The following VAMP4 variants were observed in gnomAD, a reference collection of about 807,000 sequenced individuals.
VAMP4 encodes vesicle-associated membrane protein 4.
A neutral mutation model predicts 23.5 loss-of-function variants in VAMP4; 19 were observed. That is an observed-to-expected ratio of 0.81 (90% CI 0.56 to 1.19). VAMP4 has a LOEUF of 1.19. VAMP4 is among the 50% of genes most tolerant of loss of function. VAMP4 has a pLI of 0.00. For missense variants in VAMP4, 145 were observed against 168.6 expected, an observed-to-expected ratio of 0.86 and a Z score of 0.78; for synonymous variants, 31 against 51.0, an observed-to-expected ratio of 0.61 and a Z score of 1.67.
At chr1:171,725,659 T>C (rs1400241440) in intron 3 of VAMP4, among the ~76,000 whole-genome samples, 1 of 152,160 alleles carries the variant, frequency 6.6e-6, no homozygotes, top group Non-Finnish European at 1.5e-5. Context: ...ATCTATCCTG[T>C]AAGCTCTTTC....
At chr1:171,739,995 G>T (rs1205550260) in intron 1 of VAMP4, among the ~76,000 whole-genome samples, 1 of 152,158 alleles carries the variant, frequency 6.6e-6, no homozygotes, top group African/African-American at 2.4e-5. Context: ...ATCAATTCAG[G>T]ATAGCTCAGA....
intron 6 of VAMP4, among the ~76,000 whole-genome samples, chr1:171,706,686 G>GA (rs749449179): frequency 9.9e-5 from 15 of 151,942 alleles, no homozygotes; most frequent in Non-Finnish European, 1.5e-4. Context: ...CATATACTTT[G>GA]AAAAAAAGTG....
At chr1:171,741,394 C>T (rs1655920431) in intron 1 of VAMP4, among the ~76,000 whole-genome samples, 1 of 151,992 alleles carries the variant, frequency 6.6e-6, no homozygotes, top group East Asian at 1.9e-4. Context: ...ATTTGCAAAA[C>T]CTGTCAAGTG....
rs553236038 is a variant in VAMP4 at position 171,701,690 on chromosome 1, C to T, written c.*2816G>A. The T allele has an allele frequency of 2.0e-5, 3 of 152,200 alleles. No homozygotes were observed. Among genetic ancestry groups the T allele is most frequent in the East Asian group, 1.9e-4 (1 of 5,186 alleles). The allele number at this position is 152,200 out of a possible 1,614,324, so 9.4% of individuals were successfully genotyped here. ...TTCTATATCTCATGTCTATTAATTA[C>T]CCTTCCTCCATCTTATATAATATTC... On this transcript the variant is annotated 3_prime_UTR_variant, in exon 8 of 8. Coordinates refer to ENST00000236192, the MANE Select transcript of VAMP4 (RefSeq NM_003762.5).
chr1:171,710,434 C>T (rs1300778443), intron 5 of VAMP4, among the ~76,000 whole-genome samples: 1 of 151,796 alleles, frequency 6.6e-6, no homozygotes, highest in African/African-American at 2.4e-5. Context: ...ATGAGAAACA[C>T]AAAGTTCATC....
rs566758152 is a variant in VAMP4 at position 171,719,330 on chromosome 1, C to T, written c.114-109G>A. ...ACAAACAATCAAGCTGAACTCTAAA[C>T]ATGGATCAGTTATTTATCATAAGGG... On this transcript the variant is annotated intron_variant, in intron 3 of 7. Transcript: ENST00000236192. The T allele has an allele frequency of 2.7e-5, 24 of 873,870 alleles. No individual in the cohort carries two copies. The Admixed American group carries it at 6.4e-4, about 23-fold the overall frequency. The allele number at this position is 873,870 out of a possible 1,614,324, so 54.1% of individuals were successfully genotyped here. A position where few individuals can be genotyped will look rare whatever the true frequency, so the allele number is the denominator to read the frequency against.
intron 4 of VAMP4, among the ~76,000 whole-genome samples, chr1:171,716,382 C>G (rs537573470): frequency 6.6e-6 from 1 of 152,304 alleles, no homozygotes; most frequent in Admixed American, 6.5e-5. Flanking sequence ...ATGCTGACTC[C>G]ATTCCTTTGG....
intron 2 of VAMP4, among the ~76,000 whole-genome samples, chr1:171,732,360 GAA>G (rs532876540): frequency 0.29 from 36,099 of 123,266 alleles, 4,879 homozygotes; most frequent in East Asian, 0.4. Context: ...GTCTCTATGG[GAA>G]AAAAAAAAAA....
At chr1:171,722,715 C>A (rs951819992) in intron 3 of VAMP4, among the ~76,000 whole-genome samples, 11 of 152,192 alleles carry the variant, frequency 7.2e-5, no homozygotes, top group Non-Finnish European at 1.2e-4. Flanking sequence ...GATACCATCT[C>A]ACACCAGTTA....
At chr1:171,740,877 A>G (rs1655901823) in intron 1 of VAMP4, among the ~76,000 whole-genome samples, 1 of 152,234 alleles carries the variant, frequency 6.6e-6, no homozygotes, top group African/African-American at 2.4e-5. Flanking sequence ...TGTGCAACAA[A>G]TAGCCCATCA....
chr1:171,737,721 T>C (rs983776025), intron 2 of VAMP4, among the ~76,000 whole-genome samples: 4 of 152,198 alleles, frequency 2.6e-5, no homozygotes, highest in African/African-American at 9.6e-5. Flanking sequence ...TGCTGTTACA[T>C]AATATGTTCT....
At chr1:171,726,145 G>A (rs1180198302) in intron 3 of VAMP4, among the ~76,000 whole-genome samples, 2 of 152,040 alleles carry the variant, frequency 1.3e-5, no homozygotes, top group African/African-American at 2.4e-5. Context: ...TCCAACTCCT[G>A]GGTTCAAGCG....
chr1:171,732,216 G>T (rs981169045), intron 2 of VAMP4, among the ~76,000 whole-genome samples: 1 of 151,996 alleles, frequency 6.6e-6, no homozygotes, highest in Admixed American at 6.6e-5. Flanking sequence ...GATGGAAAAA[G>T]GAAGTTTTAA....
chr1:171,741,441 C>G (rs1655921881), intron 1 of VAMP4, among the ~76,000 whole-genome samples: 1 of 152,020 alleles, frequency 6.6e-6, no homozygotes, highest in African/African-American at 2.4e-5. Context: ...ATTATAAACA[C>G]AGCAGGGTTG....
intron 1 of VAMP4, among the ~76,000 whole-genome samples, chr1:171,739,874 T>A (rs1655872971): frequency 6.6e-6 from 1 of 152,252 alleles, no homozygotes; most frequent in Non-Finnish European, 1.5e-5. Flanking sequence ...ATTGTGACTT[T>A]CCAGGAAAAT....
At position 171,741,967 on chromosome 1, in the gene VAMP4, G is replaced by C. The variant is rs1311323030; in HGVS notation, c.-107C>G. 1 of 152,326 alleles carries C rather than the reference G, an allele frequency of 6.6e-6. No homozygotes were observed. Among genetic ancestry groups the C allele is most frequent in the Admixed American group, 6.5e-5 (1 of 15,292 alleles). 9.4% of individuals were successfully genotyped at this position (152,326 alleles called of 1,614,324 possible). A position where few individuals can be genotyped will look rare whatever the true frequency, so the allele number is the denominator to read the frequency against. On this transcript the variant is annotated 5_prime_UTR_variant, in exon 1 of 8. Transcript: ENST00000236192. ...CCGGGCTGGCGGTGCTGGGCGGGCG[G>C]GGGAAGGAGTAGGAAGCCGAGGTAA...
rs1654399893 is a variant in VAMP4 at position 171,700,697 on chromosome 1, CTG to C, written c.*3807_*3808del. ...GAGAGCACTGTGGAGTCACCTCTCACTGATATACTAACATGTGGCATCTTTGT... is the reference window on the plus strand; with the variant it reads ...GAGAGCACTGTGGAGTCACCTCTCACATATACTAACATGTGGCATCTTTGT... On this transcript the variant is annotated 3_prime_UTR_variant, in exon 8 of 8. Transcript: ENST00000236192. 6.6e-6 allele frequency: 1 copy of C among 152,270 alleles called. No individual in the cohort carries two copies. The highest frequency in any genetic ancestry group is 2.4e-5 in the African/African-American group (1 of 41,458). The allele number at this position is 152,270 out of a possible 1,614,324, so 9.4% of individuals were successfully genotyped here.
rs1431452806 is a variant in VAMP4 at position 171,703,384 on chromosome 1, T to C, written c.*1122A>G. On this transcript the variant is annotated 3_prime_UTR_variant, in exon 8 of 8. Transcript: ENST00000236192. ...TTGGTTACCGACTGACTGATTATCA[T>C]ATGTGTGCGTGTGTGTGTGTGTGTG... 7.3e-6 allele frequency: 1 copy of C among 136,506 alleles called. No homozygotes were observed. The highest frequency in any genetic ancestry group is 2.7e-5 in the African/African-American group (1 of 37,044). The allele number at this position is 136,506 out of a possible 1,614,324, so 8.5% of individuals were successfully genotyped here. A position where few individuals can be genotyped will look rare whatever the true frequency, so the allele number is the denominator to read the frequency against.
At chr1:171,705,913 AC>A (rs1358047490) in intron 7 of VAMP4, among the ~76,000 whole-genome samples, 1 of 152,076 alleles carries the variant, frequency 6.6e-6, no homozygotes, top group African/African-American at 2.4e-5. Context: ...CAAAAACCAA[AC>A]AAAAAAAAAT....
Sources: gnomAD v4.1 joint callset for allele counts (sites outside exome capture counted in the v4.1 genomes callset) on GRCh38, gnomAD v4.1.1 for gene constraint, MANE v1.5 for transcripts, NCBI Gene and HGNC (gene_info 2026-07-23, HGNC 2026-07-21) for gene names.